TRIM45: variants seen among roughly 807,000 people sequenced by gnomAD.
TRIM45 encodes the protein tripartite motif containing 45.
A neutral mutation model predicts 46.7 loss-of-function variants in TRIM45; 45 were observed. That is an observed-to-expected ratio of 0.96 (90% CI 0.76 to 1.24). The LOEUF (loss-of-function observed/expected upper bound fraction) is 1.24, where lower values mean the gene tolerates loss of function less well. Ranked by LOEUF, TRIM45 falls within the 50% of genes most tolerant of loss-of-function variation. TRIM45 has a pLI of 0.00. For missense variants in TRIM45, 680 were observed against 728.4 expected, an observed-to-expected ratio of 0.93 and a Z score of 0.77; for synonymous variants, 259 against 285.8, an observed-to-expected ratio of 0.91 and a Z score of 0.94.
Position 117,116,667 on chromosome 1 carries a change from C to T in TRIM45, c.1301G>A (p.Arg434Lys). 1.2e-6 allele frequency: 2 copies of T among 1,614,010 alleles called. No homozygotes were observed. Among genetic ancestry groups the T allele is most frequent in the Non-Finnish European group, 1.7e-6 (2 of 1,180,010 alleles). Residue 434 changes from arginine to lysine, a missense_variant, in exon 3 of 6, where the codon AGG (arginine) becomes AAG (lysine). Arg to Lys is a conservative substitution (Grantham distance 26, BLOSUM62 2). Around this residue, in one of 3 missense-constraint regions of TRIM45, gnomAD observed 322 missense variants for 359.3 expected, o/e 0.90. Coordinates refer to ENST00000256649, the MANE Select transcript of TRIM45 (RefSeq NM_025188.4). The surrounding 1 kb of genome is among the most constrained non-coding windows in gnomAD (Gnocchi z 4.6). Reference sequence around the variant, plus strand: ...GGCAACTTGAACGTTGTCTCCTCCCCTGCCCATGATTTCTCCTGCGGCATC... The same window carrying T: ...GGCAACTTGAACGTTGTCTCCTCCCTTGCCCATGATTTCTCCTGCGGCATC... The part of the protein sequence containing the change: ...CKDAAGEIMG[R>K]GGDNVQVAVV...
upstream of TRIM45, chr1:117,122,233 T>C (rs567446370): frequency 6.0e-6 from 1 of 165,536 alleles, no homozygotes; most frequent in Admixed American, 6.4e-5. Context: ...TCTCGGCCGC[T>C]CGGGGGCGCC....
At chr1:117,114,959 A>G (rs975470894) in intron 4 of TRIM45, among the ~76,000 whole-genome samples, 14 of 152,196 alleles carry the variant, frequency 9.2e-5, no homozygotes, top group Non-Finnish European at 1.9e-4. Context: ...ACCTGTTAGT[A>G]TCACCCAATT....
In TRIM45 at chr1:117,115,440, G is replaced by A. The variant is rs763621724; in HGVS notation, c.1467+135C>T. ...GAAGAATAAGAGTAGCAAAATCTGG[G>A]CTGTTTCTAAAGTGAAGAAGAAGAC... is the stretch of plus-strand genomic sequence containing the variant. On this transcript the variant is annotated intron_variant, in intron 4 of 5. Coordinates refer to ENST00000256649, the MANE Select transcript of TRIM45 (RefSeq NM_025188.4). This position sits in a 1 kb window ranked among gnomAD's most constrained non-coding sequence, Gnocchi z 4.2. 1.5e-6 allele frequency: 1 copy of A among 647,766 alleles called. No individual in the cohort carries two copies. The highest frequency in any genetic ancestry group is 2.7e-6 in the Non-Finnish European group (1 of 368,998). 40.1% of individuals were successfully genotyped at this position (647,766 alleles called of 1,614,324 possible).
intron 4 of TRIM45, among the ~76,000 whole-genome samples, chr1:117,114,293 T>C (rs892783115): frequency 6.6e-6 from 1 of 152,254 alleles, no homozygotes; most frequent in Non-Finnish European, 1.5e-5. Context: ...CTCTAATTTA[T>C]ATCCCATGTT....
In TRIM45 at chr1:117,121,462, C is replaced by G. The variant is rs975633663; in HGVS notation, c.-261G>C. The G allele has an allele frequency of 1.9e-6, 1 of 518,990 alleles. No individual in the cohort carries two copies. The highest frequency in any genetic ancestry group is 1.9e-5 in the African/African-American group (1 of 51,728). The allele number at this position is 518,990 out of a possible 1,614,324, so 32.1% of individuals were successfully genotyped here. A position where few individuals can be genotyped will look rare whatever the true frequency, so the allele number is the denominator to read the frequency against. ...CACGCCCTCCTCTGCCCCGCAAGTC[C>G]TCCCCGGATGCGCTTCCAGGTCTAG... On this transcript the variant is annotated 5_prime_UTR_variant, in exon 1 of 6. Transcript: ENST00000256649. This position sits in a 1 kb window ranked among gnomAD's most constrained non-coding sequence, Gnocchi z 4.2.
rs1650519196 is a variant in TRIM45 at position 117,118,946 on chromosome 1, C to A, written c.489-179G>T. On this transcript the variant is annotated intron_variant, in intron 1 of 5. Coordinates refer to ENST00000256649, the MANE Select transcript of TRIM45 (RefSeq NM_025188.4). The surrounding 1 kb of genome is among the most constrained non-coding windows in gnomAD (Gnocchi z 5.7). ...CAGTTTCTCATCTGTACAGTGGGGA[C>A]AATACCTACCTGAAAGAGCTGTTGT... Among the ~76,000 whole-genome samples the A allele has an allele frequency of 6.6e-6, 1 of 152,212 alleles. No homozygotes were observed. The highest frequency in any genetic ancestry group is 6.5e-5 in the Admixed American group (1 of 15,284).
chr1:117,112,713 C>T (rs1024813389), intron 5 of TRIM45, among the ~76,000 whole-genome samples: 1 of 151,974 alleles, frequency 6.6e-6, no homozygotes, highest in Non-Finnish European at 1.5e-5. Context: ...CTGAAGGAGG[C>T]GAACTAGTTT....
At chr1:117,123,149 T>C (rs151033342), upstream of TRIM45, among the ~76,000 whole-genome samples, 349 of 152,258 alleles carry the variant, frequency 2.3e-3, 2 homozygotes, top group African/African-American at 8.0e-3. Flanking sequence ...AATGTGCAAG[T>C]AATTTCCAAA....
chr1:117,115,800 T>C lies in TRIM45; in HGVS notation c.1353-111A>G. ...TCCCATTCAGTATTAATGTTAAATA[T>C]ACCCAAACAGGATGCTTCTTCCATT... On this transcript the variant is annotated intron_variant, in intron 3 of 5. Transcript: ENST00000256649. This position sits in a 1 kb window ranked among gnomAD's most constrained non-coding sequence, Gnocchi z 4.2. 2 of 671,856 alleles carry C rather than the reference T, an allele frequency of 3.0e-6. No individual in the cohort carries two copies. Among genetic ancestry groups the C allele is most frequent in the Non-Finnish European group, 5.2e-6 (2 of 381,344 alleles). The allele number at this position is 671,856 out of a possible 1,614,324, so 41.6% of individuals were successfully genotyped here.
chr1:117,122,478 G>T (rs1277265471), upstream of TRIM45: 2 of 152,408 alleles, frequency 1.3e-5, no homozygotes, highest in Non-Finnish European at 2.9e-5. Flanking sequence ...CCGGGCCAGG[G>T]AGCGCCACCC....
Position 117,121,250 on chromosome 1 carries a change from C to T in TRIM45, c.-49G>A, listed in dbSNP as rs1237430904. 7 of 1,501,938 alleles carry T rather than the reference C, an allele frequency of 4.7e-6. No homozygotes were observed. In the South Asian group the frequency reaches 9.6e-5, roughly 21 times the overall value. 93.0% of individuals were successfully genotyped at this position (1,501,938 alleles called of 1,614,324 possible). Reference sequence around the variant, plus strand: ...TTAGAAAGGGCCCTGGGCAGTTCTACGATTTAGTAGCAGGTGATTAAGCCC... The same window carrying T: ...TTAGAAAGGGCCCTGGGCAGTTCTATGATTTAGTAGCAGGTGATTAAGCCC... On this transcript the variant is annotated 5_prime_UTR_variant, in exon 1 of 6. Coordinates refer to ENST00000256649, the MANE Select transcript of TRIM45 (RefSeq NM_025188.4). The surrounding 1 kb of genome is among the most constrained non-coding windows in gnomAD (Gnocchi z 4.2).
Position 117,116,300 on chromosome 1 carries a change from C to A in TRIM45, c.1352+316G>T, listed in dbSNP as rs902547328. On this transcript the variant is annotated intron_variant, in intron 3 of 5. Transcript: ENST00000256649. This position sits in a 1 kb window ranked among gnomAD's most constrained non-coding sequence, Gnocchi z 4.6. ...CCAGGCTGGAGTGCACTGGCACAAT[C>A]ACAGCTCACTGCAACCTCGACCTCC... is the stretch of plus-strand genomic sequence containing the variant. Among the ~76,000 whole-genome samples, 5 of 151,146 alleles carry A rather than the reference C, an allele frequency of 3.3e-5. No individual in the cohort carries two copies. The highest frequency in any genetic ancestry group is 1.2e-4 in the African/African-American group (5 of 41,026).
At chr1:117,112,882 GAC>G (rs1000108353) in intron 5 of TRIM45, among the ~76,000 whole-genome samples, 30 of 152,032 alleles carry the variant, frequency 2.0e-4, no homozygotes, top group Non-Finnish European at 2.5e-4. Context: ...TTAGAGTAAG[GAC>G]ACAATAATTT....
Position 117,113,632 on chromosome 1 carries a change from A to T in TRIM45, c.1468-147T>A, listed in dbSNP as rs1650301930. 1 of 1,104,460 alleles carries T rather than the reference A, an allele frequency of 9.1e-7. No individual in the cohort carries two copies. The highest frequency in any genetic ancestry group is 1.6e-5 in the African/African-American group (1 of 62,850). 68.4% of individuals were successfully genotyped at this position (1,104,460 alleles called of 1,614,324 possible). On this transcript the variant is annotated intron_variant, in intron 4 of 5. Coordinates refer to ENST00000256649, the MANE Select transcript of TRIM45 (RefSeq NM_025188.4). This position sits in a 1 kb window ranked among gnomAD's most constrained non-coding sequence, Gnocchi z 4.0. ...CAGGAAAGAAACAGATTAGAGGACA[A>T]GAACCCTGCTCAGCTGAGAGGAGGC...
chr1:117,112,012 C>T lies in TRIM45; in HGVS notation c.*293G>A, dbSNP rs1650233269. Reference sequence around the variant, plus strand: ...AAGGAACTAAACTACCTAGACCCTTCAGTGCCAATGGAATAGATACCTCCA... The same window carrying T: ...AAGGAACTAAACTACCTAGACCCTTTAGTGCCAATGGAATAGATACCTCCA... On this transcript the variant is annotated 3_prime_UTR_variant, in exon 6 of 6. Coordinates refer to ENST00000256649, the MANE Select transcript of TRIM45 (RefSeq NM_025188.4). 4.0e-6 allele frequency: 1 copy of T among 247,450 alleles called. No homozygotes were observed. The highest frequency in any genetic ancestry group is 1.7e-4 in the South Asian group (1 of 5,816). 15.3% of individuals were successfully genotyped at this position (247,450 alleles called of 1,614,324 possible).
In TRIM45 at chr1:117,121,549, A is replaced by AC; in HGVS notation, c.-349dup. ...TGCACCTCTCGCTCCCTCCACTGCC[A>AC]CCCCCCTCCCGCCGCCCGCCCCACT... On this transcript the variant is annotated 5_prime_UTR_variant, in exon 1 of 6. Transcript: ENST00000256649. The surrounding 1 kb of genome is among the most constrained non-coding windows in gnomAD (Gnocchi z 4.2). 1 of 433,528 alleles carries AC rather than the reference A, an allele frequency of 2.3e-6. No individual in the cohort carries two copies. The highest frequency in any genetic ancestry group is 4.1e-6 in the Non-Finnish European group (1 of 244,144). The allele number at this position is 433,528 out of a possible 1,614,324, so 26.9% of individuals were successfully genotyped here.
Position 117,115,908 on chromosome 1 carries a change from T to C in TRIM45, c.1353-219A>G, listed in dbSNP as rs1650381682. Among the ~76,000 whole-genome samples the C allele has an allele frequency of 6.6e-6, 1 of 152,228 alleles. No individual in the cohort carries two copies. Among genetic ancestry groups the C allele is most frequent in the African/African-American group, 2.4e-5 (1 of 41,472 alleles). On this transcript the variant is annotated intron_variant, in intron 3 of 5. Transcript: ENST00000256649. This position sits in a 1 kb window ranked among gnomAD's most constrained non-coding sequence, Gnocchi z 4.2. ...GATATTCAGACAAATTCCTTGAATA[T>C]ATTATTGTGTCCTTTTCAACAGGCT...
chr1:117,112,452 A>C lies in TRIM45; in HGVS notation c.1596T>G (p.Gly532=). ...GTCCATGGCCACAGCCTAGGTACCC[A>C]CCTACATGGGACAAAGAGGAAAGGA... ...ARCACGGTMP[G]GYLGCGHGHK... The change falls in exon 6 of 6, where the codon GGT becomes GGG. Residue 532 remains glycine, a splice_region_variant and synonymous_variant. Coordinates refer to ENST00000256649, the MANE Select transcript of TRIM45 (RefSeq NM_025188.4). 1 of 1,609,444 alleles carries C rather than the reference A, an allele frequency of 6.2e-7. No homozygotes were observed. Among genetic ancestry groups the C allele is most frequent in the East Asian group, 2.2e-5 (1 of 44,734 alleles).
At chr1:117,114,419 C>A (rs1650326618) in intron 4 of TRIM45, among the ~76,000 whole-genome samples, 1 of 152,222 alleles carries the variant, frequency 6.6e-6, no homozygotes, top group Non-Finnish European at 1.5e-5. Flanking sequence ...CTCAGGCAAT[C>A]CTCCCAAGTA....
Sources: gnomAD v4.1 joint callset for allele counts (sites outside exome capture counted in the v4.1 genomes callset) on GRCh38, gnomAD v4.1.1 for gene constraint, gnomAD v4.1.1 regional missense constraint, Gnocchi (gnomAD v3.1) non-coding constraint, MANE v1.5 for transcripts, NCBI Gene and HGNC (gene_info 2026-07-23, HGNC 2026-07-21) for gene names.